RHOT2: variants seen among roughly 807,000 people sequenced by gnomAD.
RHOT2 encodes the protein ras homolog family member T2, also known as mitochondrial Rho GTPase 2.
RHOT2 carries 90 observed loss-of-function variants against 81.6 expected under a neutral mutation model. That is an observed-to-expected ratio of 1.10 (90% CI 0.93 to 1.31). The LOEUF (loss-of-function observed/expected upper bound fraction) is 1.31. Ranked by LOEUF, RHOT2 falls within the 40% of genes most tolerant of loss-of-function variation. The probability of loss-of-function intolerance (pLI) is 0.00; values close to 1 mark genes in which losing one functional copy is unlikely to be tolerated. For missense variants in RHOT2, 1,014 were observed against 841.9 expected, an observed-to-expected ratio of 1.20 and a Z score of -2.53; for synonymous variants, 512 against 370.9, an observed-to-expected ratio of 1.38 and a Z score of -4.37.
rs746220104 is a variant in RHOT2 at position 673,959 on chromosome 16, C to A, written c.*353C>A. 4.0e-6 allele frequency: 2 copies of A among 500,120 alleles called. No individual in the cohort carries two copies. The highest frequency in any genetic ancestry group is 3.2e-5 in the South Asian group (2 of 62,882). The allele number at this position is 500,120 out of a possible 1,614,324, so 31.0% of individuals were successfully genotyped here. The stretch of plus-strand genomic sequence containing the variant: ...ACCCAGAATTCTCAGGGCTCTACCC[C>A]CCTTTCCTGGTCCTAGGTGGCCAGT... On this transcript the variant is annotated 3_prime_UTR_variant, in exon 19 of 19. Transcript: ENST00000315082.
intron 18 of RHOT2, 107 bp downstream of exon 18, chr16:673,237 C>T (rs1347605280): frequency 1.2e-5 from 17 of 1,360,276 alleles, no homozygotes; most frequent in African/African-American, 2.9e-5. Context: ...GTCTGTCATC[C>T]GAGCAGTGGG....
chr16:672,233 A>G (rs773329558), intron 14 of RHOT2, 21 bp from the exon 15 acceptor site: 5 of 1,611,610 alleles, frequency 3.1e-6, no homozygotes, highest in African/African-American at 1.3e-5. Flanking sequence ...CAGCTGCCCT[A>G]ACCCGTGTCT....
At chr16:671,563 CG>C in intron 11 of RHOT2, 133 bp from the exon 12 acceptor site, 1 of 970,596 alleles carries the variant, frequency 1.0e-6, no homozygotes, top group Non-Finnish European at 1.5e-6. Context: ...GCTGCAAGGT[CG>C]GGGGCGTACA....
chr16:672,546 G>A lies in RHOT2; in HGVS notation c.1384G>A (p.Gly462Arg). Residue 462 changes from glycine to arginine, a missense_variant, in exon 16 of 19, where the codon GGA becomes AGA. Transcript: ENST00000315082. ...CGCCATCGACACGGTGCAGGTCAAT[G>A]GACAGGAGAAGTACTTGATCGTGAG... ...GYAIDTVQVN[G>R]QEKYLILCEV... 6.2e-7 allele frequency: 1 copy of A among 1,612,618 alleles called. No individual in the cohort carries two copies. The highest frequency in any genetic ancestry group is 1.6e-4 in the Middle Eastern group (1 of 6,062).
chr16:672,103 G>T lies in RHOT2; in HGVS notation c.1117G>T (p.Val373Phe). The T allele has an allele frequency of 6.2e-7, 1 of 1,610,162 alleles. No homozygotes were observed. Among genetic ancestry groups the T allele is most frequent in the Non-Finnish European group, 8.5e-7 (1 of 1,179,002 alleles). Residue 373 changes from valine to phenylalanine, a missense_variant, in exon 14 of 19, where the codon GTC (valine) becomes TTC (phenylalanine). Transcript: ENST00000315082. Reference protein sequence around the residue: ...CQWTLVTYLDVRSCLGHLGYL... With the variant: ...CQWTLVTYLDFRSCLGHLGYL... ...CCCCAGCCTGGTGACCTACCTGGAC[G>T]TCCGGAGCTGCCTTGGACACCTAGG...
Position 668,431 on chromosome 16 carries a change from C to T in RHOT2, c.96+20C>T. 6.5e-7 allele frequency: 1 copy of T among 1,548,444 alleles called. No individual in the cohort carries two copies. The highest frequency in any genetic ancestry group is 8.7e-7 in the Non-Finnish European group (1 of 1,151,216). On this transcript the variant is annotated intron_variant, in intron 2 of 18. Coordinates refer to ENST00000315082, the MANE Select transcript of RHOT2 (RefSeq NM_138769.3). ...GAGGAGGTAAGGGGCACGCCCGCCG[C>T]GGGGGTGGGAGCGGGCCCAGCCGGG...
intron 5 of RHOT2, 130 bp from the exon 6 acceptor site, chr16:669,993 G>A: frequency 1.2e-6 from 1 of 811,436 alleles, no homozygotes; most frequent in Non-Finnish European, 1.9e-6. Flanking sequence ...CTTTGTTCCT[G>A]TGGCCGGGAC....
At position 671,131 on chromosome 16, in the gene RHOT2, C is replaced by T. The variant is rs1344611896; in HGVS notation, c.797C>T (p.Thr266Ile). ...TLFIQRGRHE[T>I]TWTILRRFGY... ...TTCATCCAGCGCGGCCGGCACGAGA[C>T]CACCTGGACCATCCTGCGGCGCTTC... The change falls in exon 11 of 19, where the codon ACC becomes ATC. Residue 266 changes from threonine (T) to isoleucine (I), a missense_variant. Transcript: ENST00000315082. The T allele has an allele frequency of 1.2e-6, 2 of 1,606,392 alleles. No homozygotes were observed. The highest frequency in any genetic ancestry group is 1.1e-5 in the South Asian group (1 of 90,892).
At chr16:671,234 TC>T in intron 11 of RHOT2, 31 bp downstream of exon 11, 1 of 1,516,578 alleles carries the variant, frequency 6.6e-7, no homozygotes. Flanking sequence ...AGGCCTGCCC[TC>T]CCCGAGGGTC....
At chr16:671,420 G>GGC in intron 11 of RHOT2, 3 of 520,616 alleles carry the variant, frequency 5.8e-6, no homozygotes, top group Non-Finnish European at 6.8e-6. Flanking sequence ...GGGTGGGGGG[G>GGC]CTGGCCCTTT....
rs2038713246 is a variant in RHOT2 at position 670,361 on chromosome 16, AGTAGG to A, written c.438+5_438+9del. 6.2e-7 allele frequency: 1 copy of A among 1,612,192 alleles called. No homozygotes were observed. The highest frequency in any genetic ancestry group is 8.5e-7 in the Non-Finnish European group (1 of 1,179,568). On this transcript the variant is annotated splice_donor_5th_base_variant and intron_variant, in intron 7 of 18. Transcript: ENST00000315082. The stretch of plus-strand genomic sequence containing the variant: ...CGAGATTGAGACCTGCGTGGAGGTG[AGTAGG>A]TCCCAGGCAGGGCCGCCTCCTTCAT...
intron 5 of RHOT2, chr16:669,890 C>A (rs778299501): frequency 3.3e-6 from 2 of 613,284 alleles, no homozygotes; most frequent in Admixed American, 3.0e-5. Flanking sequence ...TTGGGGGCGG[C>A]CCTAGGCTTG....
intron 11 of RHOT2, 74 bp downstream of exon 11, chr16:671,277 A>C: frequency 1.3e-5 from 19 of 1,471,630 alleles, no homozygotes; most frequent in Non-Finnish European, 1.6e-5. Context: ...TCTCCCCTCC[A>C]TGAGTGACGC....
rs1048184143 is a variant in RHOT2 at position 669,534 on chromosome 16, C to T, written c.223-19C>T. On this transcript the variant is annotated intron_variant, in intron 4 of 18. Coordinates refer to ENST00000315082, the MANE Select transcript of RHOT2 (RefSeq NM_138769.3). ...GAGCCAGCAGCCCTGTCACCCACACCTCATCACTGTTCCCTCAGGCAAACG... is the reference window on the plus strand; with the variant it reads ...GAGCCAGCAGCCCTGTCACCCACACTTCATCACTGTTCCCTCAGGCAAACG... 2 of 1,610,816 alleles carry T rather than the reference C, an allele frequency of 1.2e-6. No homozygotes were observed. The highest frequency in any genetic ancestry group is 1.7e-6 in the Non-Finnish European group (2 of 1,179,502).
Position 673,545 on chromosome 16 carries a change from G to C in RHOT2, c.1796G>C (p.Gly599Ala). The part of the protein sequence containing the change: ...FWLRGLLGVV[G>A]AAVAAVLSFS... ...CTCCGGGGGCTGCTGGGGGTTGTCG[G>C]GGCCGCCGTGGCCGCAGTCCTCAGC... The change falls in exon 19 of 19, where the codon GGG becomes GCG. Residue 599 changes from glycine to alanine, a missense_variant. Physicochemically the swap from Gly to Ala is moderately conservative, Grantham distance 60. Coordinates refer to ENST00000315082, the MANE Select transcript of RHOT2 (RefSeq NM_138769.3). 6.2e-7 allele frequency: 1 copy of C among 1,612,510 alleles called. No homozygotes were observed. The highest frequency in any genetic ancestry group is 2.2e-5 in the East Asian group (1 of 44,878).
At chr16:669,162 G>C (rs550922356) in intron 4 of RHOT2, 7 of 395,226 alleles carry the variant, frequency 1.8e-5, no homozygotes, top group African/African-American at 8.2e-5. Context: ...CTGTAGCGAG[G>C]GGGGAGGCAG....
intron 8 of RHOT2, 30 bp from the exon 9 acceptor site, chr16:670,645 C>T (rs2038765609): frequency 6.2e-7 from 1 of 1,609,672 alleles, no homozygotes; most frequent in Non-Finnish European, 8.5e-7. Flanking sequence ...GCGTGGGTCA[C>T]CTGAGGGTGC....
chr16:672,850 G>A (rs2039200934), intron 17 of RHOT2, 25 bp downstream of exon 17: 2 of 1,612,442 alleles, frequency 1.2e-6, no homozygotes, highest in African/African-American at 1.3e-5. Context: ...GGGCCACGTG[G>A]CCATGGGGCA....
intron 4 of RHOT2, chr16:669,107 C>T: frequency 2.6e-6 from 1 of 387,830 alleles, no homozygotes; most frequent in Non-Finnish European, 4.7e-6. Context: ...CCACCCAGGG[C>T]AGCCCCTGCT....
Sources: gnomAD v4.1 joint callset for allele counts on GRCh38, gnomAD v4.1.1 for gene constraint, MANE v1.5 for transcripts, NCBI Gene and HGNC (gene_info 2026-07-23, HGNC 2026-07-21) for gene names.